The following ARFGEF3 variants were observed in gnomAD, a reference collection of about 807,000 sequenced individuals.
ARFGEF3 encodes the protein ARFGEF family member 3, also known as brefeldin A-inhibited guanine nucleotide-exchange protein 3.
ARFGEF3 carries 96 observed loss-of-function variants against 221.7 expected under a neutral mutation model. The ratio of observed to expected loss-of-function variants is 0.43; its 90% confidence interval spans 0.37 to 0.51. The LOEUF is 0.51. Ranked by LOEUF, ARFGEF3 falls within the 20% of genes least tolerant of loss-of-function variation. ARFGEF3 has a pLI of 0.00. For missense variants in ARFGEF3, 2,410 were observed against 2,789.9 expected, an observed-to-expected ratio of 0.86 and a Z score of 3.07; for synonymous variants, 1,145 against 1,126.8, an observed-to-expected ratio of 1.02 and a Z score of -0.32.
At chr6:138,278,050 G>A (rs554692418) in intron 12 of ARFGEF3, among the ~76,000 whole-genome samples, 39 of 152,328 alleles carry the variant, frequency 2.6e-4, no homozygotes, top group African/African-American at 7.7e-4. Flanking sequence ...CAGGGTGGCT[G>A]CGGGGAATGA....
chr6:138,298,514 T>C lies in ARFGEF3; in HGVS notation c.3649-92T>C, dbSNP rs1448387644. The stretch of plus-strand genomic sequence containing the variant: ...TTTTAACAGAATTGCTGCTTCCACC[T>C]CCTTGTAATGAGGTGGGGTAGGAAA... On this transcript the variant is annotated intron_variant, in intron 21 of 33. Transcript: ENST00000251691. The C allele has an allele frequency of 4.2e-6, 4 of 949,788 alleles. No homozygotes were observed. The African/African-American group carries it at 4.9e-5, about 12-fold the overall frequency. 58.8% of individuals were successfully genotyped at this position (949,788 alleles called of 1,614,324 possible).
In ARFGEF3 at chr6:138,342,503, A is replaced by G. The variant is rs1209781996; in HGVS notation, c.*6017A>G. 2.6e-5 allele frequency: 4 copies of G among 152,352 alleles called. No individual in the cohort carries two copies. Among genetic ancestry groups the G allele is most frequent in the Admixed American group, 1.3e-4 (2 of 15,298 alleles). 9.4% of individuals were successfully genotyped at this position (152,352 alleles called of 1,614,324 possible). A position where few individuals can be genotyped will look rare whatever the true frequency, so the allele number is the denominator to read the frequency against. On this transcript the variant is annotated 3_prime_UTR_variant, in exon 34 of 34. Transcript: ENST00000251691. ...TTACAAGCTAGAAGACAATGAATGT[A>G]TAAGTTCTATGGAACAGTGAGATAA...
intron 12 of ARFGEF3, among the ~76,000 whole-genome samples, chr6:138,270,445 CACACACACACACACACACAT>C (rs935264120): frequency 6.8e-6 from 1 of 147,438 alleles, no homozygotes; most frequent in African/African-American, 2.6e-5. Context: ...CACACACACA[CACACACACACACACACACAT>C]ATATATATCT....
rs117119692 is a variant in ARFGEF3, at chr6:138,323,696, G to A, written c.4792G>A (p.Val1598Met). The change falls in exon 30 of 34, where the codon GTG becomes ATG. Residue 1598 changes from valine to methionine, a missense_variant. By Grantham distance (21) the Val-to-Met change is conservative. This residue lies in a region of ARFGEF3 where 723 missense variants were observed against 991.9 expected (regional missense o/e 0.73). Coordinates refer to ENST00000251691, the MANE Select transcript of ARFGEF3 (RefSeq NM_020340.5). ...ATACGTCCTTGTGACAGCGGGCCCT[G>A]TGTTCACTGAGGAGATGTGGAGGCT... ...IRYVLVTAGP[V>M]FTEEMWRLAC... 1,098 of 1,613,920 alleles carry A rather than the reference G, an allele frequency of 6.8e-4. 2 individuals are homozygous for A. Among genetic ancestry groups the A allele is most frequent in the Non-Finnish European group, 8.7e-4 (1,030 of 1,179,840 alleles).
At chr6:138,284,839 T>C (rs1282155348) in intron 14 of ARFGEF3, among the ~76,000 whole-genome samples, 3 of 152,244 alleles carry the variant, frequency 2.0e-5, no homozygotes, top group Non-Finnish European at 4.4e-5. Flanking sequence ...GTGACCATCA[T>C]AGAGTGTACT....
rs181519324 is a variant in ARFGEF3 at position 138,217,502 on chromosome 6, T to C, written c.351+7461T>C. 3 of 153,402 alleles carry C rather than the reference T, an allele frequency of 2.0e-5. No homozygotes were observed. In the East Asian group the frequency reaches 5.8e-4, roughly 29 times the overall value. The allele number at this position is 153,402 out of a possible 1,614,324, so 9.5% of individuals were successfully genotyped here. A position where few individuals can be genotyped will look rare whatever the true frequency, so the allele number is the denominator to read the frequency against. ...ATATAAATACACTAGTCCCCACTTATCCAAAGTTTCACTTTCCTTGGTTTC... is the reference window on the plus strand; with the variant it reads ...ATATAAATACACTAGTCCCCACTTACCCAAAGTTTCACTTTCCTTGGTTTC... On this transcript the variant is annotated intron_variant, in intron 4 of 33. Transcript: ENST00000251691.
chr6:138,297,995 G>A (rs1352118296), intron 21 of ARFGEF3, among the ~76,000 whole-genome samples: 1 of 152,180 alleles, frequency 6.6e-6, no homozygotes, highest in Non-Finnish European at 1.5e-5. Context: ...TGTTCACGTG[G>A]CATTCTTAGG....
chr6:138,282,681 T>C (rs1779217227), intron 14 of ARFGEF3, among the ~76,000 whole-genome samples: 1 of 152,176 alleles, frequency 6.6e-6, no homozygotes, highest in East Asian at 1.9e-4. Flanking sequence ...GTCTCAAACT[T>C]GGGGATCAGG....
At chr6:138,326,246 A>G (rs1174767573) in intron 31 of ARFGEF3, among the ~76,000 whole-genome samples, 1 of 152,140 alleles carries the variant, frequency 6.6e-6, no homozygotes, top group Non-Finnish European at 1.5e-5. Flanking sequence ...TTATTCAAAA[A>G]TCTGATAATT....
intron 8 of ARFGEF3, among the ~76,000 whole-genome samples, chr6:138,252,839 C>A (rs903980540): frequency 2.0e-5 from 3 of 152,134 alleles, no homozygotes; most frequent in Non-Finnish European, 4.4e-5. Flanking sequence ...AAATTAAATT[C>A]TTCCTTAGCC....
chr6:138,290,879 G>A (rs1423681956), intron 18 of ARFGEF3, among the ~76,000 whole-genome samples: 2 of 152,146 alleles, frequency 1.3e-5, no homozygotes, highest in Non-Finnish European at 2.9e-5. Flanking sequence ...GAGCAAAATG[G>A]TTCTATTATG....
intron 12 of ARFGEF3, among the ~76,000 whole-genome samples, chr6:138,271,254 G>A (rs971895156): frequency 3.9e-5 from 6 of 152,024 alleles, no homozygotes; most frequent in African/African-American, 1.2e-4. Flanking sequence ...CACTTTGGGA[G>A]GCCAGGGTGG....
intron 12 of ARFGEF3, among the ~76,000 whole-genome samples, chr6:138,266,556 G>A (rs576241515): frequency 1.3e-5 from 2 of 152,000 alleles, no homozygotes; most frequent in South Asian, 2.1e-4. Context: ...CTCTTAAGAT[G>A]TGCCATAGTT....
Position 138,255,417 on chromosome 6 carries a change from T to A in ARFGEF3, c.771-19T>A, listed in dbSNP as rs748506395. Reference sequence around the variant, plus strand: ...TTTGGCTCGTGGGGAAAGTTACTTTTCTCACCATCTCTTCCCAGGAAAAAC... The same window carrying A: ...TTTGGCTCGTGGGGAAAGTTACTTTACTCACCATCTCTTCCCAGGAAAAAC... On this transcript the variant is annotated intron_variant, in intron 9 of 33. Transcript: ENST00000251691. The A allele has an allele frequency of 6.5e-7, 1 of 1,548,082 alleles. No individual in the cohort carries two copies. The highest frequency in any genetic ancestry group is 1.2e-5 in the South Asian group (1 of 83,612).
intron 3 of ARFGEF3, among the ~76,000 whole-genome samples, chr6:138,208,615 T>C (rs1777665527): frequency 6.6e-6 from 1 of 152,128 alleles, no homozygotes; most frequent in East Asian, 1.9e-4. Flanking sequence ...CAAAAATCAA[T>C]TGCACCAAGA....
chr6:138,294,159 G>A (rs1384398481), intron 20 of ARFGEF3, 33 bp downstream of exon 20: 2 of 1,607,096 alleles, frequency 1.2e-6, no homozygotes, highest in Non-Finnish European at 1.7e-6. Flanking sequence ...CATATGCCAG[G>A]AAGTTAGCAG....
chr6:138,278,453 A>G lies in ARFGEF3; in HGVS notation c.2131A>G (p.Met711Val). Residue 711 changes from methionine to valine, a missense_variant and splice_region_variant, in exon 13 of 34, where the codon ATG (methionine) becomes GTG (valine). Physicochemically the swap from Met to Val is conservative, Grantham distance 21. This residue lies in a region of ARFGEF3 where 594 missense variants were observed against 734.3 expected (regional missense o/e 0.81). Coordinates refer to ENST00000251691, the MANE Select transcript of ARFGEF3 (RefSeq NM_020340.5). ...AGTCCCTTCATTGTCTCCCTTAGGC[A>G]TGATGCACTCTCCTGGCTTTGACGG... ...QNFASTFCSGMMHSPGFDGNS... is the reference protein window; with the variant it reads ...QNFASTFCSGVMHSPGFDGNS... The G allele has an allele frequency of 6.2e-7, 1 of 1,613,802 alleles. No individual in the cohort carries two copies. Among genetic ancestry groups the G allele is most frequent in the Non-Finnish European group, 8.5e-7 (1 of 1,179,856 alleles).
In ARFGEF3 at chr6:138,255,538, G is replaced by A. The variant is rs767860122; in HGVS notation, c.873G>A (p.Ser291=). The part of the protein sequence containing the change: ...HTSSTSTSLE[S]DSASPGVSDH... ...GCAGCACCAGTACCAGCCTGGAGTC[G>A]GACTCTGCGTCTCCGGGAGTGTCTG... The change falls in exon 10 of 34, where the codon TCG becomes TCA. Residue 291 remains serine, a synonymous_variant. Transcript: ENST00000251691. 25 of 1,613,870 alleles carry A rather than the reference G, an allele frequency of 1.5e-5. 1 individual carries two copies. The highest frequency in any genetic ancestry group is 9.9e-5 in the South Asian group (9 of 91,076).
chr6:138,214,977 T>C (rs914712835), intron 4 of ARFGEF3, among the ~76,000 whole-genome samples: 9 of 152,188 alleles, frequency 5.9e-5, no homozygotes, highest in African/African-American at 2.2e-4. Flanking sequence ...GTCAGAACTG[T>C]ACAGAATCAG....
Sources: gnomAD v4.1 joint callset for allele counts (sites outside exome capture counted in the v4.1 genomes callset) on GRCh38, gnomAD v4.1.1 for gene constraint, gnomAD v4.1.1 regional missense constraint, MANE v1.5 for transcripts, NCBI Gene and HGNC (gene_info 2026-07-23, HGNC 2026-07-21) for gene names.